The following PRELID2 variants were observed in gnomAD, a reference collection of about 807,000 sequenced individuals.
The protein encoded by PRELID2 is PRELI domain containing 2, also known as PRELI domain-containing protein 2.
A neutral mutation model predicts 28.4 loss-of-function variants in PRELID2; 25 were observed. The ratio of observed to expected loss-of-function variants is 0.88; its 90% confidence interval spans 0.64 to 1.23. The LOEUF (loss-of-function observed/expected upper bound fraction) is 1.23. Among genes scored for constraint, PRELID2 ranks in the 50% most tolerant of loss-of-function variants. The pLI, the probability that PRELID2 is intolerant of heterozygous loss-of-function variation, is 0.00. For synonymous variants in PRELID2, 76 were observed against 71.6 expected, an observed-to-expected ratio of 1.06 and a Z score of -0.31; for missense variants, 201 against 214.4, an observed-to-expected ratio of 0.94 and a Z score of 0.39.
chr5:145,726,331 G>A (rs113288269), intron 1 of PRELID2, among the ~76,000 whole-genome samples: 14,320 of 151,158 alleles, frequency 0.095, 715 homozygotes, highest in South Asian at 0.13. Context: ...AAGAGAGAAA[G>A]AGAAAGAAAA....
chr5:145,434,481 C>A, the PRELID2 span, among the ~76,000 whole-genome samples: 1 of 152,224 alleles, frequency 6.6e-6, no homozygotes, highest in Non-Finnish European at 1.5e-5. Flanking sequence ...GAGACACAGA[C>A]ACACCATGCT....
intron 1 of PRELID2, among the ~76,000 whole-genome samples, chr5:145,725,132 CTG>C (rs1756108762): frequency 6.6e-6 from 1 of 150,686 alleles, no homozygotes; most frequent in African/African-American, 2.5e-5. Context: ...AAGTTATTGA[CTG>C]TATGTGAAAG....
chr5:145,408,418 T>C, the PRELID2 span, among the ~76,000 whole-genome samples: 6 of 143,432 alleles, frequency 4.2e-5, no homozygotes, highest in Non-Finnish European at 6.1e-5. Flanking sequence ...TATATATATA[T>C]GTATAATATA....
intron 1 of PRELID2, among the ~76,000 whole-genome samples, chr5:145,727,969 T>G (rs1756222608): frequency 6.6e-6 from 1 of 152,174 alleles, no homozygotes; most frequent in Non-Finnish European, 1.5e-5. Flanking sequence ...AAGAGCATTT[T>G]TATCCTTACC....
At chr5:145,506,381 A>G (rs1752411702) in intron 1 of PRELID2, among the ~76,000 whole-genome samples, 1 of 152,156 alleles carries the variant, frequency 6.6e-6, no homozygotes, top group Admixed American at 6.6e-5. Flanking sequence ...ATATTTGTGC[A>G]TGGGTCTGCT....
At chr5:145,268,373 C>T in the PRELID2 span, among the ~76,000 whole-genome samples, 1,617 of 152,156 alleles carry the variant, frequency 0.011, 30 homozygotes, top group African/African-American at 0.036. Context: ...TCTACTTTTC[C>T]CAGCACCATT....
the PRELID2 span, among the ~76,000 whole-genome samples, chr5:145,355,740 C>T: frequency 6.6e-6 from 1 of 152,198 alleles, no homozygotes; most frequent in East Asian, 1.9e-4. Context: ...TAATTTCTAC[C>T]ATTTACTAAT....
chr5:145,391,254 A>C, the PRELID2 span, among the ~76,000 whole-genome samples: 6 of 152,298 alleles, frequency 3.9e-5, no homozygotes, highest in Admixed American at 1.3e-4. Context: ...ATTTCCATAC[A>C]TTCTCTGAAA....
intron 1 of PRELID2, among the ~76,000 whole-genome samples, chr5:145,589,887 A>G (rs1363273362): frequency 6.6e-6 from 1 of 152,196 alleles, no homozygotes; most frequent in Non-Finnish European, 1.5e-5. Context: ...ATGTAAGAAT[A>G]TTATGTTTTT....
chr5:145,794,613 A>C (rs1752611701), intron 5 of PRELID2, among the ~76,000 whole-genome samples: 1 of 152,124 alleles, frequency 6.6e-6, no homozygotes, highest in African/African-American at 2.4e-5. Context: ...GCAGGTACTC[A>C]ATATATATCT....
chr5:145,822,569 T>C (rs1253092338), intron 2 of PRELID2, among the ~76,000 whole-genome samples: 2 of 152,196 alleles, frequency 1.3e-5, no homozygotes, highest in Non-Finnish European at 2.9e-5. Flanking sequence ...AGCCATCACT[T>C]TATAGTCATA....
chr5:145,750,924 T>C (rs1218873502), intron 1 of PRELID2, among the ~76,000 whole-genome samples: 1 of 152,210 alleles, frequency 6.6e-6, no homozygotes, highest in Non-Finnish European at 1.5e-5. Context: ...CAATTCCCAT[T>C]GATTTTAACA....
chr5:145,424,331 C>T, the PRELID2 span, among the ~76,000 whole-genome samples: 2 of 152,354 alleles, frequency 1.3e-5, no homozygotes, highest in East Asian at 3.9e-4. Flanking sequence ...GCCCCTCCCC[C>T]AGCCTTGCTG....
At chr5:145,729,436 C>T in intron 1 of PRELID2, 1 of 346,672 alleles carries the variant, frequency 2.9e-6, no homozygotes, top group Non-Finnish European at 5.2e-6. Context: ...TGCCCAGGTT[C>T]CTTCTAAGTC....
the PRELID2 span, among the ~76,000 whole-genome samples, chr5:145,274,805 C>T: frequency 3.9e-5 from 6 of 152,156 alleles, no homozygotes; most frequent in Middle Eastern, 3.4e-3. Context: ...GTCAATTATC[C>T]AACACATTAG....
chr5:145,821,539 T>G (rs991390126), intron 2 of PRELID2, among the ~76,000 whole-genome samples: 2 of 152,226 alleles, frequency 1.3e-5, no homozygotes, highest in Non-Finnish European at 2.9e-5. Context: ...AATTCTGAAG[T>G]GCAGTCTTCT....
At chr5:145,334,777 T>TG in the PRELID2 span, among the ~76,000 whole-genome samples, 5 of 151,852 alleles carry the variant, frequency 3.3e-5, no homozygotes, top group South Asian at 4.2e-4. Flanking sequence ...GTCAGTTTTT[T>TG]TTTTTTTTTT....
chr5:145,329,558 C>T, the PRELID2 span, among the ~76,000 whole-genome samples: 1 of 152,134 alleles, frequency 6.6e-6, no homozygotes, highest in Non-Finnish European at 1.5e-5. Context: ...AATGGAAGTT[C>T]ACTCATGATT....
At chr5:145,320,076 C>T in the PRELID2 span, among the ~76,000 whole-genome samples, 1 of 152,204 alleles carries the variant, frequency 6.6e-6, no homozygotes, top group Non-Finnish European at 1.5e-5. Flanking sequence ...TATGTGCAGT[C>T]TCAGTTCATT....
Sources: gnomAD v4.1 joint callset for allele counts (sites outside exome capture counted in the v4.1 genomes callset) on GRCh38, gnomAD v4.1.1 for gene constraint, MANE v1.5 for transcripts, NCBI Gene and HGNC (gene_info 2026-07-23, HGNC 2026-07-21) for gene names.